STAT6: variants seen among roughly 807,000 people sequenced by gnomAD.
The protein encoded by STAT6 is signal transducer and activator of transcription 6.
STAT6 carries 45 observed loss-of-function variants against 106.3 expected under a neutral mutation model. The ratio of observed to expected loss-of-function variants is 0.42; its 90% CI spans 0.33 to 0.54. The LOEUF (loss-of-function observed/expected upper bound fraction) is 0.54. Ranked by LOEUF, STAT6 falls within the 20% of genes least tolerant of loss-of-function variation. The probability of loss-of-function intolerance (pLI) is 0.06; values close to 1 mark genes in which losing one functional copy is unlikely to be tolerated. For missense variants in STAT6, 797 were observed against 1,062.2 expected (o/e 0.75, Z 3.47); for synonymous variants, 413 against 413.6 (o/e 1.00, Z 0.02).
intron 5 of STAT6, 56 bp from the exon 6 acceptor site, chr12:57,106,636 T>C (rs370390257): frequency 1.9e-5 from 31 of 1,613,148 alleles, no homozygotes; most frequent in Middle Eastern, 1.6e-4. Flanking sequence ...TCAGATAAGG[T>C]TGAGATCCAA....
intron 1 of STAT6, among the ~76,000 whole-genome samples, chr12:57,109,769 A>G (rs1018443266): frequency 2.0e-5 from 3 of 152,076 alleles, no homozygotes; most frequent in Non-Finnish European, 4.4e-5. Flanking sequence ...TTGCATCCCC[A>G]TTTCCAGGTT....
chr12:57,107,670 G>A lies in STAT6; in HGVS notation c.190C>T (p.Leu64Phe), dbSNP rs976116452. The change falls in exon 3 of 22, where the codon CTT (leucine) becomes TTT (phenylalanine). Residue 64 changes from leucine (L) to phenylalanine (F), a missense_variant. This residue lies in a region of STAT6 where 336 missense variants were observed against 429.8 expected (regional missense o/e 0.78). Transcript: ENST00000300134. ...CCCTGCTCTCCCACCGAGGCCTGAA[G>A]GTGCTGGACAGTGTCTGAAAGTAGG... The part of the protein sequence containing the change: ...SALLSDTVQH[L>F]QASVGEQGEG... 6.2e-7 allele frequency: 1 copy of A among 1,614,084 alleles called. No homozygotes were observed. The highest frequency in any genetic ancestry group is 8.5e-7 in the Non-Finnish European group (1 of 1,180,006).
chr12:57,098,789 T>TAA lies in STAT6; in HGVS notation c.2066+2_2066+3insTT. On this transcript the variant is annotated splice_region_variant and intron_variant, in intron 18 of 21. Coordinates refer to ENST00000300134, the MANE Select transcript of STAT6 (RefSeq NM_003153.5). ...TCCCATTCCTGTCTTTCCAGCTCCT[T>TAA]ACACCATATCTGGGCCAAGCTGCAT... 1 of 1,613,434 alleles carries TAA rather than the reference T, an allele frequency of 6.2e-7. No individual in the cohort carries two copies. The highest frequency in any genetic ancestry group is 8.5e-7 in the Non-Finnish European group (1 of 1,179,566).
Position 57,096,689 on chromosome 12 carries a change from C to T in STAT6, c.2427G>A (p.Gly809=). 1 of 1,609,052 alleles carries T rather than the reference C, an allele frequency of 6.2e-7. No homozygotes were observed. Among genetic ancestry groups the T allele is most frequent in the Non-Finnish European group, 8.5e-7 (1 of 1,178,448 alleles). Residue 809 remains glycine, a synonymous_variant, in exon 22 of 22, where the codon GGG becomes GGA. Coordinates refer to ENST00000300134, the MANE Select transcript of STAT6 (RefSeq NM_003153.5). Reference sequence around the variant, plus strand: ...AGGACCCTCCCCCCGACTCCCCTTGCCCCTCCAGGAGAAGCTTAGTGAGGT... The same window carrying T: ...AGGACCCTCCCCCCGACTCCCCTTGTCCCTCCAGGAGAAGCTTAGTGAGGT... ...EQDLTKLLLE[G]QGESGGGSLG... is the part of the protein sequence containing the mutation.
chr12:57,102,853 C>T lies in STAT6; in HGVS notation c.1281G>A (p.Leu427=). 6.2e-7 allele frequency: 1 copy of T among 1,613,860 alleles called. No homozygotes were observed. Among genetic ancestry groups the T allele is most frequent in the Non-Finnish European group, 8.5e-7 (1 of 1,179,954 alleles). The change falls in exon 12 of 22, where the codon CTG becomes CTA. Residue 427 remains leucine, a synonymous_variant. Coordinates refer to ENST00000300134, the MANE Select transcript of STAT6 (RefSeq NM_003153.5). ...NQDNNAKATI[L]WDNAFSEMDR... ...CCATCTCAGAGAAGGCATTGTCCCACAGGATAGTGGCTTTGGCATTGTTGT... is the reference window on the plus strand; with the variant it reads ...CCATCTCAGAGAAGGCATTGTCCCATAGGATAGTGGCTTTGGCATTGTTGT...
In STAT6 at chr12:57,100,000, C is replaced by G; in HGVS notation, c.1603G>C (p.Asp535His). The change falls in exon 14 of 22, where the codon GAC (aspartate) becomes CAC (histidine). Residue 535 changes from aspartate to histidine, a missense_variant. Around this residue, in one of 4 missense-constraint regions of STAT6, gnomAD observed 222 missense variants for 354.6 expected, o/e 0.63. Coordinates refer to ENST00000300134, the MANE Select transcript of STAT6 (RefSeq NM_003153.5). This position sits in a 1 kb window ranked among gnomAD's most constrained non-coding sequence, Gnocchi z 4.7. ...TKRCLRSYWS[D>H]RLIIGFISKQ... is the part of the protein sequence containing the mutation. The stretch of plus-strand genomic sequence containing the variant: ...CTACCCAGGGTGGGGACTCACCGGT[C>G]AGACCAGTAGCTCCGGAGACAGCGT... The G allele has an allele frequency of 6.2e-7, 1 of 1,613,740 alleles. No individual in the cohort carries two copies. The highest frequency in any genetic ancestry group is 8.5e-7 in the Non-Finnish European group (1 of 1,179,852).
chr12:57,104,338 T>C lies in STAT6; in HGVS notation c.1212+126A>G, dbSNP rs568129647. 1.2e-3 allele frequency: 1,594 copies of C among 1,371,150 alleles called. 4 individuals are homozygous for C. The highest frequency in any genetic ancestry group is 1.4e-3 in the Non-Finnish European group (1,466 of 1,014,796). 84.9% of individuals were successfully genotyped at this position (1,371,150 alleles called of 1,614,324 possible). On this transcript the variant is annotated intron_variant, in intron 11 of 21. Coordinates refer to ENST00000300134, the MANE Select transcript of STAT6 (RefSeq NM_003153.5). ...TCACCCCCACTCACCCGGGCCCCAGTGTGCATGAATCCCAGACACATGGGG... is the reference window on the plus strand; with the variant it reads ...TCACCCCCACTCACCCGGGCCCCAGCGTGCATGAATCCCAGACACATGGGG...
Position 57,106,202 on chromosome 12 carries a change from T to C in STAT6, c.669A>G (p.Pro223=). The change falls in exon 7 of 22, where the codon CCA becomes CCG. Residue 223 remains proline (P), a synonymous_variant. Coordinates refer to ENST00000300134, the MANE Select transcript of STAT6 (RefSeq NM_003153.5). ...AGCCCTAGCCCAACCTCTCCTGGAGTGGGGCCAGGCTCTCCTCAAACGGTG... is the reference window on the plus strand; with the variant it reads ...AGCCCTAGCCCAACCTCTCCTGGAGCGGGGCCAGGCTCTCCTCAAACGGTG... The part of the protein sequence containing the change: ...NGAPFEESLA[P]LQERCESLVD... The C allele has an allele frequency of 1.2e-6, 2 of 1,614,014 alleles. No individual in the cohort carries two copies. Among genetic ancestry groups the C allele is most frequent in the Middle Eastern group, 1.7e-4 (1 of 5,984 alleles).
rs757940778 is a variant in STAT6 at position 57,099,085 on chromosome 12, T to G, written c.1892-7A>C. 29 of 1,613,728 alleles carry G rather than the reference T, an allele frequency of 1.8e-5. No individual in the cohort carries two copies. The Admixed American group carries it at 4.3e-4, about 24-fold the overall frequency. ...TCCTTACCCATCTGTTCAGCTGTTG[T>G]GAGAAGGAAAAGACAGCCATGGAGT... is the stretch of plus-strand genomic sequence containing the variant. On this transcript the variant is annotated splice_region_variant and splice_polypyrimidine_tract_variant and intron_variant, in intron 16 of 21. Transcript: ENST00000300134. This position sits in a 1 kb window ranked among gnomAD's most constrained non-coding sequence, Gnocchi z 4.7.
chr12:57,105,176 C>G lies in STAT6; in HGVS notation c.976G>C (p.Val326Leu), dbSNP rs1027039402. 2.0e-5 allele frequency: 32 copies of G among 1,613,480 alleles called. No homozygotes were observed. The highest frequency in any genetic ancestry group is 2.6e-5 in the Non-Finnish European group (31 of 1,179,732). The part of the protein sequence containing the change: ...VTEKQARELS[V>L]PQGPGAGAES... ...GCTCCAGCCCCAGGACCCTGAGGCA[C>G]ACTCAGCTCCCGCGCCTGCTTCTCT... Residue 326 changes from valine to leucine, a missense_variant, in exon 9 of 22, where the codon GTG becomes CTG. Val to Leu is a conservative substitution (Grantham distance 32). Coordinates refer to ENST00000300134, the MANE Select transcript of STAT6 (RefSeq NM_003153.5).
rs12721592 is a variant in STAT6, at chr12:57,105,569, C to T, written c.711G>A (p.Gln237=). Reference sequence around the variant, plus strand: ...CAGCCGCCCCTACCTCCTGCTGTAGCTGGGAATAAATGTCCACCAGGCTTT... The same window carrying T: ...CAGCCGCCCCTACCTCCTGCTGTAGTTGGGAATAAATGTCCACCAGGCTTT... ...RCESLVDIYS[Q]LQQEVGAAGG... Residue 237 remains glutamine (Q), a synonymous_variant, in exon 8 of 22, where the codon CAG becomes CAA. Transcript: ENST00000300134. The T allele has an allele frequency of 3.7e-6, 6 of 1,613,968 alleles. No individual in the cohort carries two copies. The African/African-American group carries it at 8.0e-5, about 22-fold the overall frequency.
chr12:57,109,578 G>A (rs1365965832), intron 1 of STAT6, among the ~76,000 whole-genome samples: 1 of 152,038 alleles, frequency 6.6e-6, no homozygotes, highest in Admixed American at 6.5e-5. Context: ...AAGGAGGAGA[G>A]GTGGAAAAGG....
At chr12:57,108,455 T>C (rs986707453) in intron 1 of STAT6, among the ~76,000 whole-genome samples, 156 bp from the exon 2 acceptor site, 1 of 152,184 alleles carries the variant, frequency 6.6e-6, no homozygotes, top group African/African-American at 2.4e-5. Context: ...CCTGAGTCAA[T>C]GCCTGAGATG....
chr12:57,097,122 T>C lies in STAT6; in HGVS notation c.2171A>G (p.Gln724Arg), dbSNP rs2033495365. ...CATCTGGCCCAGGCTGGGGGGCATC[T>C]GCAGGTGAGGCCTGGAAGTAGGGAG... ...VLSAFQEPHL[Q>R]MPPSLGQMSL... Residue 724 changes from glutamine to arginine, a missense_variant, in exon 20 of 22, where the codon CAG becomes CGG. This residue lies in a region of STAT6 where 226 missense variants were observed against 236.7 expected (regional missense o/e 0.95). Transcript: ENST00000300134. 1.3e-6 allele frequency: 2 copies of C among 1,515,108 alleles called. No homozygotes were observed. Among genetic ancestry groups the C allele is most frequent in the South Asian group, 1.3e-5 (1 of 74,678 alleles). 93.9% of individuals were successfully genotyped at this position (1,515,108 alleles called of 1,614,324 possible).
At chr12:57,098,742 T>C in intron 18 of STAT6, 50 bp downstream of exon 18, 5 of 1,584,790 alleles carry the variant, frequency 3.2e-6, no homozygotes, top group Non-Finnish European at 4.3e-6. Flanking sequence ...CATGCTAAGA[T>C]TAGCCCATCT....
chr12:57,106,374 C>T (rs1201283731), intron 6 of STAT6, 35 bp from the exon 7 acceptor site: 22 of 1,612,764 alleles, frequency 1.4e-5, no homozygotes, highest in South Asian at 4.4e-5. Context: ...CAGGGCCTCA[C>T]GCTGCCTCCA....
At chr12:57,102,180 G>T in intron 13 of STAT6, 110 bp downstream of exon 13, 1 of 1,203,644 alleles carries the variant, frequency 8.3e-7, no homozygotes, top group Non-Finnish European at 1.2e-6. Context: ...GACCTGAGGG[G>T]GCACTGTGGA....
chr12:57,098,395 GA>G, intron 19 of STAT6, 109 bp downstream of exon 19: 1 of 1,098,042 alleles, frequency 9.1e-7, no homozygotes, highest in East Asian at 2.4e-5. Flanking sequence ...AAGAGAAGAA[GA>G]CAGGCTGTTA....
rs1317783336 is a variant in STAT6 at position 57,099,998 on chromosome 12, G to A, written c.1605C>T (p.Asp535=). The stretch of plus-strand genomic sequence containing the variant: ...GACTACCCAGGGTGGGGACTCACCG[G>A]TCAGACCAGTAGCTCCGGAGACAGC... ...TKRCLRSYWS[D]RLIIGFISKQ... Residue 535 remains aspartate (D), a splice_region_variant and synonymous_variant, in exon 14 of 22, where the codon GAC becomes GAT. Coordinates refer to ENST00000300134, the MANE Select transcript of STAT6 (RefSeq NM_003153.5). This position sits in a 1 kb window ranked among gnomAD's most constrained non-coding sequence, Gnocchi z 4.7. 1 of 1,613,814 alleles carries A rather than the reference G, an allele frequency of 6.2e-7. No individual in the cohort carries two copies. Among genetic ancestry groups the A allele is most frequent in the Non-Finnish European group, 8.5e-7 (1 of 1,179,850 alleles).
Sources: allele counts gnomAD v4.1 joint callset (sites outside exome capture counted in the v4.1 genomes callset), GRCh38; gene constraint gnomAD v4.1.1; regional missense constraint gnomAD v4.1.1; non-coding constraint Gnocchi (gnomAD v3.1); transcripts MANE v1.5; gene names NCBI Gene and HGNC (gene_info 2026-07-23, HGNC 2026-07-21).